Variants in FLI1 observed in about 807,000 individuals in gnomAD.
FLI1 encodes the protein Fli-1 proto-oncogene, ETS transcription factor.
Under a neutral mutation model 53.1 loss-of-function variants are expected in FLI1, and 13 were observed. The observed-to-expected ratio is 0.24, with a 90% CI of 0.16 to 0.39. FLI1 has a LOEUF of 0.39. Ranked by LOEUF, FLI1 falls within the 10% of genes least tolerant of loss-of-function variation. The pLI is 1.00. For missense variants in FLI1, 424 were observed against 600.5 expected, an observed-to-expected ratio of 0.71 and a Z score of 3.07; for synonymous variants, 244 against 236.7, an observed-to-expected ratio of 1.03 and a Z score of -0.28.
rs118003510 is a variant in FLI1 at position 128,738,756 on chromosome 11, G to A, written c.19-19359G>A. On this transcript the variant is annotated intron_variant, in intron 1 of 8. Transcript: ENST00000527786. ...AAGGAGAATGCTGGATGCAGGTGTC[G>A]TCGTTATTAGTGTCCAGCCCATCCT... 1.5e-3 allele frequency among the ~76,000 whole-genome samples: 221 copies of A among 152,300 alleles called. 3 individuals are homozygous for A. The East Asian group carries it at 0.038, about 26-fold the overall frequency.
chr11:128,759,023 A>G (rs892504565), intron 2 of FLI1, among the ~76,000 whole-genome samples: 4 of 152,206 alleles, frequency 2.6e-5, no homozygotes, highest in Admixed American at 6.5e-5. Context: ...TCCCTTCTCA[A>G]ACAGGACTGG....
intron 1 of FLI1, among the ~76,000 whole-genome samples, chr11:128,716,547 T>C (rs1017944781): frequency 1.3e-5 from 2 of 152,220 alleles, no homozygotes; most frequent in Non-Finnish European, 2.9e-5. Flanking sequence ...TTTTTGATTT[T>C]TGATAGTTTG....
At chr11:128,794,472 G>T (rs1269300803) in intron 5 of FLI1, among the ~76,000 whole-genome samples, 2 of 152,218 alleles carry the variant, frequency 1.3e-5, no homozygotes, top group Non-Finnish European at 2.9e-5. Flanking sequence ...TCTGGAGAGA[G>T]AGAGAGACGG....
intron 5 of FLI1, among the ~76,000 whole-genome samples, chr11:128,792,756 CAA>C (rs1172062598): frequency 6.6e-6 from 1 of 151,980 alleles, no homozygotes; most frequent in African/African-American, 2.4e-5. Flanking sequence ...TAAAGGAAAA[CAA>C]GAGATTTAGA....
At chr11:128,736,991 G>T (rs966375294) in intron 1 of FLI1, among the ~76,000 whole-genome samples, 1 of 152,112 alleles carries the variant, frequency 6.6e-6, no homozygotes, top group Non-Finnish European at 1.5e-5. Flanking sequence ...CCAAGCCTCC[G>T]ACCACAAACC....
upstream of FLI1, among the ~76,000 whole-genome samples, chr11:128,685,708 CAAAAAAAAAAAAAA>C (rs5795633): frequency 2.1e-4 from 12 of 57,628 alleles, no homozygotes; most frequent in African/African-American, 6.6e-4. Flanking sequence ...CTTGAGGAGC[CAAAAAAAAAAAAAA>C]AAAAAAAAAA....
At chr11:128,685,850 G>A (rs1271322392), upstream of FLI1, among the ~76,000 whole-genome samples, 1 of 151,750 alleles carries the variant, frequency 6.6e-6, no homozygotes, top group Non-Finnish European at 1.5e-5. Context: ...GAAGAGGAGA[G>A]ATACGGCCGC....
chr11:128,791,425 C>T (rs1174204351), intron 5 of FLI1, among the ~76,000 whole-genome samples: 3 of 152,170 alleles, frequency 2.0e-5, no homozygotes, highest in African/African-American at 7.2e-5. Flanking sequence ...CACCTCATTA[C>T]GGTCTTGTGC....
chr11:128,719,922 C>T (rs565758781), intron 1 of FLI1, among the ~76,000 whole-genome samples: 10 of 152,234 alleles, frequency 6.6e-5, no homozygotes, highest in African/African-American at 2.2e-4. Context: ...TGTTTCTTGG[C>T]TTACTTTTTT....
chr11:128,790,141 G>A (rs1025769543), intron 5 of FLI1, among the ~76,000 whole-genome samples: 2 of 151,904 alleles, frequency 1.3e-5, no homozygotes, highest in Non-Finnish European at 2.9e-5. Context: ...TTATGATTAT[G>A]GGATAGACAG....
chr11:128,800,015 C>T (rs1376521994), intron 5 of FLI1, among the ~76,000 whole-genome samples: 1 of 152,188 alleles, frequency 6.6e-6, no homozygotes, highest in African/African-American at 2.4e-5. Context: ...TCTTCCCTGT[C>T]GGAGTCTGGG....
intron 5 of FLI1, among the ~76,000 whole-genome samples, chr11:128,784,220 T>TCTC (rs61050928): frequency 0.042 from 4,881 of 115,398 alleles, 150 homozygotes; most frequent in Non-Finnish European, 0.059. Flanking sequence ...TTGCTAACCA[T>TCTC]CTCCTCCTCC....
chr11:128,706,917 A>G (rs1938569844), intron 1 of FLI1, among the ~76,000 whole-genome samples: 1 of 152,226 alleles, frequency 6.6e-6, no homozygotes, highest in African/African-American at 2.4e-5. Context: ...TCTTAGGGCT[A>G]ATTCAACATG....
upstream of FLI1, among the ~76,000 whole-genome samples, chr11:128,689,509 G>A (rs1937654744): frequency 6.6e-6 from 1 of 152,166 alleles, no homozygotes; most frequent in South Asian, 2.1e-4. Flanking sequence ...TCCCCCGGAC[G>A]AAAGGAGGTT....
At position 128,781,927 on chromosome 11, in the gene FLI1, G is replaced by T. The variant is rs45488395; in HGVS notation, c.590-31G>T. On this transcript the variant is annotated intron_variant, in intron 4 of 8. Transcript: ENST00000527786. ...ACTCTTGATCTCAGAAGAACATTTTGGTTATAACCTGTTTATGTTTTGCCT... is the reference window on the plus strand; with the variant it reads ...ACTCTTGATCTCAGAAGAACATTTTTGTTATAACCTGTTTATGTTTTGCCT... 10 of 1,568,728 alleles carry T rather than the reference G, an allele frequency of 6.4e-6. No homozygotes were observed. In the East Asian group the frequency reaches 2.2e-4, roughly 35 times the overall value.
At chr11:128,696,471 G>C (rs982170373) in intron 1 of FLI1, among the ~76,000 whole-genome samples, 4 of 152,120 alleles carry the variant, frequency 2.6e-5, no homozygotes, top group Non-Finnish European at 5.9e-5. Flanking sequence ...GCATTCTTCT[G>C]CTCTCTTGGT....
chr11:128,797,682 A>G (rs1476769129), intron 5 of FLI1, among the ~76,000 whole-genome samples: 1 of 152,322 alleles, frequency 6.6e-6, no homozygotes, highest in Non-Finnish European at 1.5e-5. Flanking sequence ...GGTAGTAGAC[A>G]TTCAGTAAAA....
intron 1 of FLI1, among the ~76,000 whole-genome samples, chr11:128,714,997 G>A (rs770078396): frequency 3.3e-5 from 5 of 152,028 alleles, no homozygotes; most frequent in African/African-American, 4.8e-5. Context: ...GTGAGCTACC[G>A]CACCCGGCCC....
chr11:128,749,778 A>G (rs1344858372), intron 1 of FLI1, among the ~76,000 whole-genome samples: 11 of 152,204 alleles, frequency 7.2e-5, no homozygotes, highest in Admixed American at 2.0e-4. Context: ...AACTTTCCAT[A>G]AAATTTACCT....
Sources: allele counts gnomAD v4.1 joint callset (sites outside exome capture counted in the v4.1 genomes callset), GRCh38; gene constraint gnomAD v4.1.1; transcripts MANE v1.5; gene names NCBI Gene and HGNC (gene_info 2026-07-23, HGNC 2026-07-21).